The following LRRC53 variants were observed in gnomAD, a reference collection of about 807,000 sequenced individuals.
LRRC53 encodes leucine-rich repeat-containing protein 53.
LRRC53 carries 25 observed loss-of-function variants against 13.6 expected under a neutral mutation model. The ratio of observed to expected loss-of-function variants is 1.83; its 90% CI spans 1.34 to 2.56. The LOEUF (loss-of-function observed/expected upper bound fraction) is 2.56. Ranked by LOEUF, LRRC53 falls within the 30% of genes most tolerant of loss-of-function variation. The probability of loss-of-function intolerance (pLI) is 0.00; values close to 1 mark genes in which losing one functional copy is unlikely to be tolerated. For synonymous variants in LRRC53, 204 were observed against 109.8 expected (o/e 1.86, Z -5.37); for missense variants, 527 against 275.8 (o/e 1.91, Z -6.45).
At chr1:74,528,853 A>G in the LRRC53 span, among the ~76,000 whole-genome samples, 1 of 152,182 alleles carries the variant, frequency 6.6e-6, no homozygotes, top group Non-Finnish European at 1.5e-5. Flanking sequence ...CCAAAAGGAA[A>G]CAAGGCACTT....
At chr1:74,525,191 G>A in the LRRC53 span, among the ~76,000 whole-genome samples, 1 of 152,172 alleles carries the variant, frequency 6.6e-6, no homozygotes, top group Non-Finnish European at 1.5e-5. Context: ...AAAGAATGCA[G>A]CAGGCATAAA....
intron 1 of LRRC53, among the ~76,000 whole-genome samples, chr1:74,484,056 G>A (rs1668630743): frequency 6.6e-6 from 1 of 151,914 alleles, no homozygotes; most frequent in Non-Finnish European, 1.5e-5. Flanking sequence ...ACAGTACAGA[G>A]TATTATAAGA....
rs1668148662 is a variant in LRRC53, at chr1:74,475,428, A to G, written c.1287T>C (p.Pro429=). The G allele has an allele frequency of 1.4e-6, 1 of 717,022 alleles. No homozygotes were observed. The highest frequency in any genetic ancestry group is 2.0e-5 in the Admixed American group (1 of 49,972). The allele number at this position is 717,022 out of a possible 1,614,324, so 44.4% of individuals were successfully genotyped here. A position where few individuals can be genotyped will look rare whatever the true frequency, so the allele number is the denominator to read the frequency against. Residue 429 remains proline, a synonymous_variant, in exon 4 of 5, where the codon CCT becomes CCC. Transcript: ENST00000294635. ...CTTCATTAAAAGCTCTCATATTTCC[A>G]GGAGGCTCTGAACATTCCGAATGCA... is the stretch of plus-strand genomic sequence containing the variant. ...RLLHSECSEP[P]GNMRAFNEAG...
chr1:74,529,773 T>C, the LRRC53 span, among the ~76,000 whole-genome samples: 15 of 152,206 alleles, frequency 9.9e-5, no homozygotes, highest in African/African-American at 3.6e-4. Context: ...TGAAAAGTTT[T>C]TTTAAGAAAG....
the LRRC53 span, among the ~76,000 whole-genome samples, chr1:74,529,824 C>T: frequency 1.3e-5 from 2 of 152,276 alleles, no homozygotes; most frequent in Non-Finnish European, 2.9e-5. Flanking sequence ...AAAGTCTTTG[C>T]ACATGCCCCT....
Position 74,470,949 on chromosome 1 carries a change from T to C in LRRC53, c.2673A>G (p.Gln891=). The C allele has an allele frequency of 5.0e-6, 2 of 400,726 alleles. No homozygotes were observed. The highest frequency in any genetic ancestry group is 7.1e-5 in the East Asian group (2 of 28,062). 24.8% of individuals were successfully genotyped at this position (400,726 alleles called of 1,614,324 possible). Residue 891 remains glutamine, a synonymous_variant, in exon 5 of 5, where the codon CAA becomes CAG. Coordinates refer to ENST00000294635, the MANE Select transcript of LRRC53 (RefSeq NM_001382280.1). The part of the protein sequence containing the change: ...ENTGSDVLPF[Q]HSRRATDQGT... ...CTTGGTCAGTAGCCCTCCTGGAATG[T>C]TGGAATGGTAAAACATCACTTCCTG...
Position 74,475,641 on chromosome 1 carries a change from T to G in LRRC53, c.1074A>C (p.Leu358Phe). The G allele has an allele frequency of 1.4e-6, 1 of 717,158 alleles. No individual in the cohort carries two copies. The highest frequency in any genetic ancestry group is 1.7e-5 in the African/African-American group (1 of 57,338). The allele number at this position is 717,158 out of a possible 1,614,324, so 44.4% of individuals were successfully genotyped here. A position where few individuals can be genotyped will look rare whatever the true frequency, so the allele number is the denominator to read the frequency against. The change falls in exon 4 of 5, where the codon TTA becomes TTC. Residue 358 changes from leucine to phenylalanine, a missense_variant. Physicochemically the swap from Leu to Phe is conservative, Grantham distance 22 (BLOSUM62 0). Transcript: ENST00000294635. ...TGACCTTTATCTCGTTTTCCTGAGT[T>G]AAGTGGCAGTTGCAGTATCCCTTAG... ...YHTKGYCNCH[L>F]TQENEIKVMS...
intron 1 of LRRC53, among the ~76,000 whole-genome samples, chr1:74,486,983 G>A (rs1352485038): frequency 5.9e-5 from 9 of 152,110 alleles, no homozygotes; most frequent in Admixed American, 5.9e-4. Flanking sequence ...CAGTGTTGTA[G>A]GAGAAAGCTT....
rs1269729287 is a variant in LRRC53 at position 74,470,149 on chromosome 1, A to G, written c.3473T>C (p.Val1158Ala). The G allele has an allele frequency of 1.2e-5, 5 of 400,582 alleles. No individual in the cohort carries two copies. Among genetic ancestry groups the G allele is most frequent in the Admixed American group, 8.8e-5 (2 of 22,722 alleles). The allele number at this position is 400,582 out of a possible 1,614,324, so 24.8% of individuals were successfully genotyped here. Residue 1158 changes from valine to alanine, a missense_variant, in exon 5 of 5, where the codon GTA becomes GCA. Coordinates refer to ENST00000294635, the MANE Select transcript of LRRC53 (RefSeq NM_001382280.1). ...TACATTACTGTTAACTTCAGGATCT[A>G]CTTCACTGCAAAGTATTCTATTTTG... ...ETQNRILCSE[V>A]DPEVNSNVHN...
intron 2 of LRRC53, among the ~76,000 whole-genome samples, chr1:74,482,936 G>A (rs374422590): frequency 3.9e-5 from 6 of 152,170 alleles, no homozygotes; most frequent in African/African-American, 1.4e-4. Context: ...CTTCCAGCTG[G>A]TGGTAGAGTT....
chr1:74,530,085 C>T, the LRRC53 span, among the ~76,000 whole-genome samples: 2 of 152,162 alleles, frequency 1.3e-5, no homozygotes, highest in Non-Finnish European at 2.9e-5. Context: ...CTGCCTTGGC[C>T]TCCCAAAGTG....
intron 1 of LRRC53, among the ~76,000 whole-genome samples, chr1:74,501,583 T>C (rs540940149): frequency 2.1e-4 from 32 of 152,222 alleles, no homozygotes; most frequent in Admixed American, 2.1e-3. Flanking sequence ...GCCTCCTGGG[T>C]TCATGCCATT....
In LRRC53 at chr1:74,470,676, C is replaced by G. The variant is rs189614996; in HGVS notation, c.2946G>C (p.Val982=). Residue 982 remains valine, a synonymous_variant, in exon 5 of 5, where the codon GTG becomes GTC. Coordinates refer to ENST00000294635, the MANE Select transcript of LRRC53 (RefSeq NM_001382280.1). ...CTTCCTTATCCATAATACAATTTTC[C>G]ACAATTTGATGTGATATTTGGGGTT... ...MTKPQISHQI[V]ENCIMDKEEN... is the part of the protein sequence containing the mutation. 5.0e-6 allele frequency: 2 copies of G among 400,382 alleles called. No homozygotes were observed. The highest frequency in any genetic ancestry group is 4.1e-5 in the African/African-American group (2 of 48,622). 24.8% of individuals were successfully genotyped at this position (400,382 alleles called of 1,614,324 possible).
Position 74,470,128 on chromosome 1 carries a change from T to A in LRRC53, c.3494A>T (p.Asn1165Ile), listed in dbSNP as rs1667852626. 1 of 400,648 alleles carries A rather than the reference T, an allele frequency of 2.5e-6. No individual in the cohort carries two copies. The highest frequency in any genetic ancestry group is 4.4e-6 in the Non-Finnish European group (1 of 226,178). The allele number at this position is 400,648 out of a possible 1,614,324, so 24.8% of individuals were successfully genotyped here. The change falls in exon 5 of 5, where the codon AAT becomes ATT. Residue 1165 changes from asparagine to isoleucine, a missense_variant. Asn to Ile is a moderately radical substitution (Grantham distance 149, BLOSUM62 -3). Transcript: ENST00000294635. ...TTGAACTTCTCTAAAATTATGTACA[T>A]TACTGTTAACTTCAGGATCTACTTC... The part of the protein sequence containing the change: ...CSEVDPEVNS[N>I]VHNFREVQNI...
chr1:74,491,205 A>G (rs2100301129), intron 1 of LRRC53, among the ~76,000 whole-genome samples: 1 of 152,268 alleles, frequency 6.6e-6, no homozygotes, highest in East Asian at 1.9e-4. Context: ...AATTAGGGTG[A>G]GTCCAACAGG....
At chr1:74,504,654 A>G (rs1669799456) in intron 1 of LRRC53, among the ~76,000 whole-genome samples, 1 of 152,054 alleles carries the variant, frequency 6.6e-6, no homozygotes, top group South Asian at 2.1e-4. Context: ...AAATTTAAGT[A>G]CCTGGATTTA....
rs1390011343 is a variant in LRRC53, at chr1:74,472,034, A to T, written c.1588T>A (p.Ser530Thr). ...TGTTCCTCAGGCTCACAAGGCTTGG[A>T]TGATGAGCTTGTAATAAAATGTCTT... ...RQRHFITSSS[S>T]KPCEPEEHYV... The change falls in exon 5 of 5, where the codon TCC becomes ACC. Residue 530 changes from serine to threonine, a missense_variant. Ser to Thr is a moderately conservative substitution (Grantham distance 58). Transcript: ENST00000294635. The T allele has an allele frequency of 1.4e-6, 1 of 708,118 alleles. No homozygotes were observed. The highest frequency in any genetic ancestry group is 2.6e-6 in the Non-Finnish European group (1 of 381,266). 43.9% of individuals were successfully genotyped at this position (708,118 alleles called of 1,614,324 possible).
rs186898537 is a variant in LRRC53 at position 74,508,051 on chromosome 1, A to G, written c.-27+4475T>C. On this transcript the variant is annotated intron_variant, in intron 1 of 4. Transcript: ENST00000294635. ...TAATGCAATGTGATTGTATACAATG[A>G]CGGGCACACGACTCTAGTGTATTCT... Among the ~76,000 whole-genome samples, 478 of 152,340 alleles carry G rather than the reference A, an allele frequency of 3.1e-3. 1 individual carries two copies. The highest frequency in any genetic ancestry group is 0.011 in the African/African-American group (462 of 41,586).
chr1:74,478,861 T>C (rs1249603569), intron 3 of LRRC53, among the ~76,000 whole-genome samples: 1 of 152,170 alleles, frequency 6.6e-6, no homozygotes, highest in Non-Finnish European at 1.5e-5. Flanking sequence ...ATGTCTTTTA[T>C]GGTAAATTAT....
Sources: allele counts gnomAD v4.1 joint callset (sites outside exome capture counted in the v4.1 genomes callset), GRCh38; gene constraint gnomAD v4.1.1; transcripts MANE v1.5; gene names NCBI Gene and HGNC (gene_info 2026-07-23, HGNC 2026-07-21).